The following ADK variants were observed in gnomAD, a reference collection of about 807,000 sequenced individuals.
ADK encodes the protein N6,N6-dimethyladenosine kinase.
In ADK, 24 loss-of-function variants were observed where a neutral mutation model predicts 44.7. That is an observed-to-expected ratio of 0.54 (90% CI 0.39 to 0.76). The LOEUF (loss-of-function observed/expected upper bound fraction) is 0.76, where lower values mean the gene tolerates loss of function less well. ADK is among the 30% of genes least tolerant of loss of function. The pLI, the probability that ADK is intolerant of heterozygous loss-of-function variation, is 0.00. For synonymous variants in ADK, 128 were observed against 142.6 expected (o/e 0.90, Z 0.73); for missense variants, 321 against 425.1 (o/e 0.76, Z 2.15).
rs978823603 is a variant in ADK, at chr10:74,247,754, G to A, written c.194+23163G>A. Among the ~76,000 whole-genome samples, 13 of 152,200 alleles carry A rather than the reference G, an allele frequency of 8.5e-5. No individual in the cohort carries two copies. In the East Asian group the frequency reaches 1.4e-3, roughly 16 times the overall value. On this transcript the variant is annotated intron_variant, in intron 3 of 10. Coordinates refer to ENST00000539909, the MANE Select transcript of ADK (RefSeq NM_006721.4). ...ATATATGAAACAGTGTAACCTTAGC[G>A]TCAGAAAGAATAATGTTGAGGGCAA...
At chr10:74,246,982 TATG>T (rs916054847) in intron 3 of ADK, among the ~76,000 whole-genome samples, 51 of 152,038 alleles carry the variant, frequency 3.4e-4, no homozygotes, top group African/African-American at 1.1e-3. Flanking sequence ...TAACTTCTAA[TATG>T]ATAACTAGGG....
intron 8 of ADK, among the ~76,000 whole-genome samples, chr10:74,595,420 A>T: frequency 1.5e-5 from 1 of 66,356 alleles, no homozygotes; most frequent in Non-Finnish European, 2.8e-5. Context: ...TTGTCACGCC[A>T]GGCTGGAGTG....
intron 4 of ADK, among the ~76,000 whole-genome samples, chr10:74,350,192 A>G (rs1488307962): frequency 1.3e-5 from 2 of 152,240 alleles, no homozygotes; most frequent in African/African-American, 2.4e-5. Context: ...CAAATGCAAA[A>G]GAATGGAAAT....
chr10:74,326,794 CTTAT>C (rs910242919), intron 4 of ADK, among the ~76,000 whole-genome samples: 7 of 151,870 alleles, frequency 4.6e-5, no homozygotes, highest in Admixed American at 4.6e-4. Context: ...TATTCAGAAA[CTTAT>C]TTCTTCTAGG....
At chr10:74,496,227 C>T (rs1257155590) in intron 6 of ADK, among the ~76,000 whole-genome samples, 1 of 152,178 alleles carries the variant, frequency 6.6e-6, no homozygotes, top group Admixed American at 6.5e-5. Flanking sequence ...CTGCCTCAGC[C>T]TTTCAAGTAA....
intron 3 of ADK, among the ~76,000 whole-genome samples, chr10:74,276,617 G>T (rs1429811051): frequency 2.0e-5 from 3 of 152,190 alleles, no homozygotes; most frequent in Non-Finnish European, 4.4e-5. Context: ...GGAGGATAGT[G>T]TATGTTCCTT....
At chr10:74,221,084 C>T (rs1336328571) in intron 2 of ADK, among the ~76,000 whole-genome samples, 8 of 147,316 alleles carry the variant, frequency 5.4e-5, no homozygotes, top group Non-Finnish European at 1.2e-4. Flanking sequence ...CAAATTGTCC[C>T]TGTTTGCAGA....
chr10:74,203,951 C>CTTTTT lies in ADK; in HGVS notation c.140+3131_140+3135dup, dbSNP rs760810639. 1.4e-3 allele frequency among the ~76,000 whole-genome samples: 131 copies of CTTTTT among 95,826 alleles called. 2 individuals carry two copies. The highest frequency in any genetic ancestry group is 5.0e-3 in the African/African-American group (120 of 24,026). 62.9% of individuals were successfully genotyped at this position (95,826 alleles called of 152,430 possible). A position where few individuals can be genotyped will look rare whatever the true frequency, so the allele number is the denominator to read the frequency against. ...AGAATGTCTTTCCATTTATTTAGGT[C>CTTTTT]TTTTTTTTTTTTTTTTTTTTTTGGA... On this transcript the variant is annotated intron_variant, in intron 2 of 10. Transcript: ENST00000539909.
At chr10:74,397,378 T>G (rs1368802274) in intron 5 of ADK, among the ~76,000 whole-genome samples, 1 of 151,960 alleles carries the variant, frequency 6.6e-6, no homozygotes, top group East Asian at 1.9e-4. Flanking sequence ...AAGCTATAAC[T>G]GTTACAATTT....
At chr10:74,542,763 C>T (rs1211943144) in intron 7 of ADK, among the ~76,000 whole-genome samples, 4 of 151,996 alleles carry the variant, frequency 2.6e-5, no homozygotes, top group Non-Finnish European at 5.9e-5. Context: ...TTCTTTGTTA[C>T]ATGAAAGGTA....
chr10:74,636,269 A>G (rs921672019), intron 9 of ADK, among the ~76,000 whole-genome samples: 1 of 152,234 alleles, frequency 6.6e-6, no homozygotes, highest in Admixed American at 6.5e-5. Flanking sequence ...AAAGTAAAAA[A>G]GATAACTTAG....
At chr10:74,281,385 A>G (rs554790698) in intron 3 of ADK, among the ~76,000 whole-genome samples, 18 of 152,342 alleles carry the variant, frequency 1.2e-4, no homozygotes, top group African/African-American at 4.1e-4. Context: ...CATTGGGGGA[A>G]GTTCCCCACT....
intron 4 of ADK, among the ~76,000 whole-genome samples, chr10:74,332,009 A>T (rs1841234973): frequency 6.6e-6 from 1 of 151,970 alleles, no homozygotes; most frequent in Non-Finnish European, 1.5e-5. Context: ...TTCTGCCACC[A>T]TGCCCAACAA....
rs527782668 is a variant in ADK at position 74,379,714 on chromosome 10, G to A, written c.274-14427G>A. Among the ~76,000 whole-genome samples the A allele has an allele frequency of 4.6e-5, 7 of 152,254 alleles. No homozygotes were observed. In the East Asian group the frequency reaches 7.7e-4, roughly 17 times the overall value. On this transcript the variant is annotated intron_variant, in intron 4 of 10. Transcript: ENST00000539909. ...CAATCAGCTCATTTGCATGTTTCAC[G>A]TCTCAGTTTAAATGTCCTTTTGTCT...
intron 1 of ADK, among the ~76,000 whole-genome samples, chr10:74,180,750 G>T (rs191018703): frequency 6.6e-5 from 10 of 152,166 alleles, no homozygotes; most frequent in African/African-American, 1.9e-4. Context: ...GAGCAACCGT[G>T]CCCGGCTGGC....
chr10:74,498,725 T>A (rs1372148243), intron 6 of ADK, among the ~76,000 whole-genome samples: 1 of 152,194 alleles, frequency 6.6e-6, no homozygotes, highest in Admixed American at 6.5e-5. Flanking sequence ...CCTTCCTGTG[T>A]CCATGTGTTC....
intron 3 of ADK, among the ~76,000 whole-genome samples, chr10:74,293,953 AG>A (rs1457025087): frequency 6.6e-6 from 1 of 152,182 alleles, no homozygotes; most frequent in Non-Finnish European, 1.5e-5. Context: ...TCTTCCCCAA[AG>A]GTATCTTCTG....
In ADK at chr10:74,398,658, A is replaced by G. The variant is rs917971238; in HGVS notation, c.555+79A>G. 26 of 757,942 alleles carry G rather than the reference A, an allele frequency of 3.4e-5. No homozygotes were observed. The African/African-American group carries it at 4.3e-4, about 12-fold the overall frequency. The allele number at this position is 757,942 out of a possible 1,614,324, so 47.0% of individuals were successfully genotyped here. The stretch of plus-strand genomic sequence containing the variant: ...GTTGTTGTCTGATATATATTTTAAA[A>G]TAATTATCTTTTATTTACCCTGCAA... On this transcript the variant is annotated intron_variant, in intron 6 of 10. Coordinates refer to ENST00000539909, the MANE Select transcript of ADK (RefSeq NM_006721.4).
chr10:74,613,696 G>A (rs1024133158), intron 9 of ADK, among the ~76,000 whole-genome samples: 1 of 152,172 alleles, frequency 6.6e-6, no homozygotes, highest in Non-Finnish European at 1.5e-5. Flanking sequence ...GAAAAGGTCA[G>A]TGTGATTTGC....
Sources: allele counts gnomAD v4.1 joint callset (sites outside exome capture counted in the v4.1 genomes callset), GRCh38; gene constraint gnomAD v4.1.1; transcripts MANE v1.5; gene names NCBI Gene and HGNC (gene_info 2026-07-23, HGNC 2026-07-21).